CIT: variants seen among roughly 807,000 people sequenced by gnomAD.
CIT encodes citron Rho-interacting kinase.
A neutral mutation model predicts 272.7 loss-of-function variants in CIT; 79 were observed. The observed-to-expected ratio is 0.29, with a 90% CI of 0.24 to 0.35. CIT has a LOEUF of 0.35. Among genes scored for constraint, CIT ranks in the 10% least tolerant of loss-of-function variants. The pLI, the probability that CIT is intolerant of heterozygous loss-of-function variation, is 1.00. For synonymous variants in CIT, 948 were observed against 995.6 expected, an observed-to-expected ratio of 0.95 and a Z score of 0.90; for missense variants, 1,909 against 2,618.3, an observed-to-expected ratio of 0.73 and a Z score of 5.91.
chr12:119,811,581 G>A (rs1177837657), intron 9 of CIT, among the ~76,000 whole-genome samples: 1 of 152,200 alleles, frequency 6.6e-6, no homozygotes, highest in Non-Finnish European at 1.5e-5. Flanking sequence ...CTCTGGTGGT[G>A]GATTTCAATG....
intron 8 of CIT, among the ~76,000 whole-genome samples, chr12:119,823,274 G>T (rs1392043457): frequency 6.6e-6 from 1 of 152,078 alleles, no homozygotes; most frequent in East Asian, 1.9e-4. Context: ...ACAATGATGA[G>T]CTATTTAAAG....
In CIT at chr12:119,694,017, A is replaced by T. The variant is rs1956092871; in HGVS notation, c.5883-3563T>A. ...TCCAGAAGATTATCTTAGGTCATTT[A>T]TTCCCGGGGTTAAATAATCTCAGAC... On this transcript the variant is annotated intron_variant, in intron 46 of 47. Coordinates refer to ENST00000392521, the MANE Select transcript of CIT (RefSeq NM_001206999.2). This position sits in a 1 kb window ranked among gnomAD's most constrained non-coding sequence, Gnocchi z 4.5. 6.6e-6 allele frequency among the ~76,000 whole-genome samples: 1 copy of T among 152,188 alleles called. No homozygotes were observed. Among genetic ancestry groups the T allele is most frequent in the African/African-American group, 2.4e-5 (1 of 41,448 alleles).
chr12:119,700,843 C>T lies in CIT; in HGVS notation c.5543-18G>A. 6.2e-7 allele frequency: 1 copy of T among 1,607,926 alleles called. No individual in the cohort carries two copies. Among genetic ancestry groups the T allele is most frequent in the Non-Finnish European group, 8.5e-7 (1 of 1,174,722 alleles). On this transcript the variant is annotated intron_variant, in intron 43 of 47. Transcript: ENST00000392521. ...TCCAAATTCTGCAAGGTGTCAAGAG[C>T]ACGTGGGCATTAGCACAGCCAAGAG... is the stretch of plus-strand genomic sequence containing the variant.
In CIT at chr12:119,711,760, C is replaced by T. The variant is rs947458694; in HGVS notation, c.4854+418G>A. Among the ~76,000 whole-genome samples the T allele has an allele frequency of 5.3e-5, 8 of 152,300 alleles. No homozygotes were observed. In the East Asian group the frequency reaches 7.7e-4, roughly 15 times the overall value. On this transcript the variant is annotated intron_variant, in intron 37 of 47. Coordinates refer to ENST00000392521, the MANE Select transcript of CIT (RefSeq NM_001206999.2). The stretch of plus-strand genomic sequence containing the variant: ...AGCCTCAAACTCCTGGGCAATCCGC[C>T]GGCCTCAGCCTCCCTACTAGCTGGA...
At chr12:119,876,468 G>A (rs1218473068) in intron 1 of CIT, among the ~76,000 whole-genome samples, 4 of 152,170 alleles carry the variant, frequency 2.6e-5, no homozygotes, top group Non-Finnish European at 5.9e-5. Context: ...CCATGCAGTG[G>A]GGGCACACAT....
intron 5 of CIT, 24 bp from the exon 6 acceptor site, chr12:119,834,252 A>T: frequency 6.4e-7 from 1 of 1,562,086 alleles, no homozygotes; most frequent in East Asian, 2.3e-5. Context: ...CAAAGTTATT[A>T]ATTCTTCACA....
rs183670014 is a variant in CIT at position 119,759,765 on chromosome 12, G to A, written c.2422-1065C>T. On this transcript the variant is annotated intron_variant, in intron 20 of 47. Coordinates refer to ENST00000392521, the MANE Select transcript of CIT (RefSeq NM_001206999.2). ...TGGAAAAATTGTCTTCCACAAAACC[G>A]GTCCCTGGTGCTAAAAAGGTTGGGG... 8.5e-4 allele frequency among the ~76,000 whole-genome samples: 130 copies of A among 152,144 alleles called. 1 individual carries two copies. The highest frequency in any genetic ancestry group is 2.9e-3 in the African/African-American group (119 of 41,494).
intron 40 of CIT, among the ~76,000 whole-genome samples, chr12:119,705,857 AG>A (rs933780758): frequency 8.6e-5 from 13 of 150,570 alleles, no homozygotes; most frequent in Middle Eastern, 6.9e-3. Context: ...TGGGAGGCCA[AG>A]GTGGGTGGAT....
At position 119,772,772 on chromosome 12, in the gene CIT, C is replaced by T; in HGVS notation, c.2080G>A (p.Glu694Lys). ...TGGGCTGGAGGTTCCCTGCTCACCT[C>T]AGCTTCCACCAGCTTCTTTCTGATG... ...EGIRKKLVEA[E>K]ERRHSLENKV... Residue 694 changes from glutamate to lysine, a missense_variant and splice_region_variant, in exon 17 of 48, where the codon GAG becomes AAG. By Grantham distance (56) the Glu-to-Lys change is moderately conservative (BLOSUM62 1). This residue lies in a region of CIT where 530 missense variants were observed against 822.4 expected (regional missense o/e 0.64). Coordinates refer to ENST00000392521, the MANE Select transcript of CIT (RefSeq NM_001206999.2). 1 of 1,612,868 alleles carries T rather than the reference C, an allele frequency of 6.2e-7. No individual in the cohort carries two copies. Among genetic ancestry groups the T allele is most frequent in the Non-Finnish European group, 8.5e-7 (1 of 1,179,722 alleles).
chr12:119,732,987 G>A (rs761193803), intron 26 of CIT, among the ~76,000 whole-genome samples: 6 of 152,104 alleles, frequency 3.9e-5, no homozygotes, highest in Admixed American at 1.3e-4. Context: ...ATGTCACAAC[G>A]TACCAATTTT....
In CIT at chr12:119,876,118, A is replaced by G. The variant is rs761925578; in HGVS notation, c.51T>C (p.Ala17=). The G allele has an allele frequency of 6.2e-7, 1 of 1,614,090 alleles. No individual in the cohort carries two copies. The highest frequency in any genetic ancestry group is 8.5e-7 in the Non-Finnish European group (1 of 1,179,960). The change falls in exon 2 of 48, where the codon GCT becomes GCC. Residue 17 remains alanine, a synonymous_variant. Coordinates refer to ENST00000392521, the MANE Select transcript of CIT (RefSeq NM_001206999.2). ...TGGAGGCCCGGCTGGCAATGGGTTC[A>G]GCAGCACCAGCATCCAAAGGATTCC... ...GARNPLDAGA[A]EPIASRASRL... is the part of the protein sequence containing the mutation.
chr12:119,813,328 A>T (rs1278226589), intron 9 of CIT, among the ~76,000 whole-genome samples: 1 of 152,168 alleles, frequency 6.6e-6, no homozygotes, highest in East Asian at 1.9e-4. Context: ...ATTTTCTCTG[A>T]AGTGAGACAC....
intron 23 of CIT, among the ~76,000 whole-genome samples, chr12:119,746,971 C>T (rs566979827): frequency 2.9e-4 from 44 of 152,234 alleles, no homozygotes; most frequent in African/African-American, 8.4e-4. Context: ...GACAGCAAAA[C>T]GCATAAGACA....
chr12:119,840,328 G>A (rs772035579), intron 5 of CIT, among the ~76,000 whole-genome samples: 1 of 152,132 alleles, frequency 6.6e-6, no homozygotes, highest in Non-Finnish European at 1.5e-5. Flanking sequence ...GAAAAAAGAA[G>A]AAGAAATGCA....
intron 10 of CIT, among the ~76,000 whole-genome samples, chr12:119,799,237 T>A (rs1965987673): frequency 6.6e-6 from 1 of 152,218 alleles, no homozygotes; most frequent in African/African-American, 2.4e-5. Flanking sequence ...ATACATGGAC[T>A]AGTGTATTAG....
intron 5 of CIT, among the ~76,000 whole-genome samples, chr12:119,838,795 A>G (rs2138163399): frequency 6.6e-6 from 1 of 152,334 alleles, no homozygotes; most frequent in African/African-American, 2.4e-5. Context: ...CACTGAAGCC[A>G]GTGATCTTCC....
At chr12:119,801,932 C>T (rs1358950917) in intron 10 of CIT, among the ~76,000 whole-genome samples, 1 of 152,146 alleles carries the variant, frequency 6.6e-6, no homozygotes, top group Non-Finnish European at 1.5e-5. Context: ...CAACATCTTG[C>T]AACATAAAAA....
intron 7 of CIT, among the ~76,000 whole-genome samples, chr12:119,831,003 C>G (rs1157060943): frequency 6.6e-6 from 1 of 152,148 alleles, no homozygotes; most frequent in Admixed American, 6.5e-5. Context: ...GTGGCTGGAG[C>G]TACAAGCATG....
At chr12:119,746,081 G>A (rs1172351741) in intron 23 of CIT, among the ~76,000 whole-genome samples, 9 of 152,138 alleles carry the variant, frequency 5.9e-5, no homozygotes, top group African/African-American at 1.9e-4. Flanking sequence ...CTGTGACCAA[G>A]CAGCAGCCTA....
Sources: allele counts gnomAD v4.1 joint callset (sites outside exome capture counted in the v4.1 genomes callset), GRCh38; gene constraint gnomAD v4.1.1; regional missense constraint gnomAD v4.1.1; non-coding constraint Gnocchi (gnomAD v3.1); transcripts MANE v1.5; gene names NCBI Gene and HGNC (gene_info 2026-07-23, HGNC 2026-07-21).